The following DUSP19 variants were observed in gnomAD, a reference collection of about 807,000 sequenced individuals.
DUSP19 encodes dual specificity protein phosphatase 19.
A neutral mutation model predicts 16.6 loss-of-function variants in DUSP19; 14 were observed. The ratio of observed to expected loss-of-function variants is 0.84; its 90% confidence interval spans 0.56 to 1.32. DUSP19 has a LOEUF of 1.32. Ranked by LOEUF, DUSP19 falls within the 40% of genes most tolerant of loss-of-function variation. The pLI is 0.00. For missense variants in DUSP19, 258 were observed against 255.9 expected (o/e 1.01, Z -0.06); for synonymous variants, 81 against 90.5 (o/e 0.90, Z 0.59).
intron 3 of DUSP19, among the ~76,000 whole-genome samples, chr2:183,092,699 GTTTTTTT>G (rs781697293): frequency 8.4e-6 from 1 of 119,176 alleles, no homozygotes; most frequent in African/African-American, 3.2e-5. Flanking sequence ...TTCTGCCCAA[GTTTTTTT>G]TTTTTTTTTT....
At chr2:183,088,787 C>T (rs939758629) in intron 3 of DUSP19, among the ~76,000 whole-genome samples, 3 of 152,112 alleles carry the variant, frequency 2.0e-5, no homozygotes, top group Non-Finnish European at 2.9e-5. Flanking sequence ...AAAAAATTTA[C>T]AGGCTCTGGA....
intron 2 of DUSP19, among the ~76,000 whole-genome samples, chr2:183,084,407 A>AT: frequency 6.6e-6 from 1 of 151,382 alleles, no homozygotes; most frequent in Non-Finnish European, 1.5e-5. Context: ...AGACTGGGCG[A>AT]CAAAGCAAGA....
At chr2:183,088,693 G>T (rs988164949) in intron 3 of DUSP19, among the ~76,000 whole-genome samples, 1 of 152,116 alleles carries the variant, frequency 6.6e-6, no homozygotes, top group Admixed American at 6.5e-5. Flanking sequence ...AAAGTGCTAG[G>T]ATTACAGGCA....
chr2:183,082,176 T>C (rs549326934), intron 1 of DUSP19, among the ~76,000 whole-genome samples: 1 of 152,308 alleles, frequency 6.6e-6, no homozygotes, highest in East Asian at 1.9e-4. Context: ...CAAAGTCATC[T>C]TGTGGGTGTG....
intron 2 of DUSP19, among the ~76,000 whole-genome samples, chr2:183,085,464 A>G (rs1699647409): frequency 3.3e-5 from 5 of 152,232 alleles, no homozygotes; most frequent in Admixed American, 3.3e-4. Flanking sequence ...TTAGGACTAA[A>G]TTATATCCAT....
chr2:183,082,944 G>T (rs528723826), intron 1 of DUSP19, among the ~76,000 whole-genome samples: 2 of 144,878 alleles, frequency 1.4e-5, no homozygotes, highest in South Asian at 4.5e-4. Context: ...CTGTGTCACC[G>T]AGGCTGGAGT....
intron 3 of DUSP19, among the ~76,000 whole-genome samples, chr2:183,090,033 C>G (rs1260424914): frequency 6.6e-6 from 1 of 152,212 alleles, no homozygotes; most frequent in Non-Finnish European, 1.5e-5. Context: ...CTCAGCCTCC[C>G]AAAGTGCTGG....
Position 183,087,212 on chromosome 2 carries a change from A to G in DUSP19, c.426+20A>G. ...AGAAAAGTGAGTTTTGTTTTGATCC[A>G]TAGTTCTGCAGAAGCAGAAATTTGA... On this transcript the variant is annotated intron_variant, in intron 3 of 3. Coordinates refer to ENST00000354221, the MANE Select transcript of DUSP19 (RefSeq NM_080876.4). 6.2e-7 allele frequency: 1 copy of G among 1,605,646 alleles called. No individual in the cohort carries two copies. Among genetic ancestry groups the G allele is most frequent in the Non-Finnish European group, 8.5e-7 (1 of 1,176,712 alleles).
chr2:183,097,829 A>G lies in DUSP19; in HGVS notation c.*2171A>G, dbSNP rs1476708228. The stretch of plus-strand genomic sequence containing the variant: ...CCATTAAATGTCACATGAAGCCTTG[A>G]TAGAATTTGTTCATAATGGCTCATG... On this transcript the variant is annotated 3_prime_UTR_variant, in exon 4 of 4. Coordinates refer to ENST00000354221, the MANE Select transcript of DUSP19 (RefSeq NM_080876.4). The G allele has an allele frequency of 6.6e-6, 1 of 152,192 alleles. No homozygotes were observed. The highest frequency in any genetic ancestry group is 1.5e-5 in the Non-Finnish European group (1 of 68,028). The allele number at this position is 152,192 out of a possible 1,614,324, so 9.4% of individuals were successfully genotyped here.
rs1230146740 is a variant in DUSP19 at position 183,078,861 on chromosome 2, A to G, written c.-73A>G. The G allele has an allele frequency of 7.2e-7, 1 of 1,396,594 alleles. No individual in the cohort carries two copies. The highest frequency in any genetic ancestry group is 1.4e-5 in the African/African-American group (1 of 69,910). The allele number at this position is 1,396,594 out of a possible 1,614,324, so 86.5% of individuals were successfully genotyped here. Reference sequence around the variant, plus strand: ...GGCTGGCTTTGTTACCTGGGCAATAAGGGACTAGCAGTTCAGCCGTTTTCT... The same window carrying G: ...GGCTGGCTTTGTTACCTGGGCAATAGGGGACTAGCAGTTCAGCCGTTTTCT... On this transcript the variant is annotated 5_prime_UTR_variant, in exon 1 of 4. Transcript: ENST00000354221.
intron 1 of DUSP19, among the ~76,000 whole-genome samples, chr2:183,082,881 G>GTCTTGTCTTT (rs1699612031): frequency 1.2e-5 from 1 of 86,604 alleles, no homozygotes; most frequent in Non-Finnish European, 2.1e-5. Context: ...CTCTTGTCTT[G>GTCTTGTCTTT]TCTTGTCTTT....
rs56740666 is a variant in DUSP19 at position 183,083,507 on chromosome 2, G to A, written c.227-1G>A. The A allele has an allele frequency of 1.4e-5, 23 of 1,608,942 alleles. No homozygotes were observed. The highest frequency in any genetic ancestry group is 1.9e-5 in the Non-Finnish European group (22 of 1,177,650). ...AAGGTGGTATCATTTATTTCTTCTA[G>A]GGTCACAAGATGCTGCTCATGATTT... On this transcript the variant is annotated splice_acceptor_variant, in intron 1 of 3. Transcript: ENST00000354221. LOFTEE classifies it high-confidence loss of function.
intron 1 of DUSP19, 94 bp downstream of exon 1, chr2:183,079,253 G>A: frequency 3.3e-6 from 4 of 1,228,986 alleles, no homozygotes; most frequent in Non-Finnish European, 4.5e-6. Context: ...TGTATTATCA[G>A]CTATCCTGCC....
At chr2:183,085,138 G>A (rs942092323) in intron 2 of DUSP19, among the ~76,000 whole-genome samples, 1 of 152,152 alleles carries the variant, frequency 6.6e-6, no homozygotes, top group African/African-American at 2.4e-5. Context: ...CAGAATAGAG[G>A]TGAATATATA....
intron 1 of DUSP19, among the ~76,000 whole-genome samples, chr2:183,081,002 C>T (rs1275185609): frequency 6.6e-6 from 1 of 152,192 alleles, no homozygotes; most frequent in East Asian, 1.9e-4. Context: ...GAGCTTCTTT[C>T]ACCTCCTCAA....
chr2:183,078,868 A>G lies in DUSP19; in HGVS notation c.-66A>G. 6.9e-7 allele frequency: 1 copy of G among 1,456,966 alleles called. No individual in the cohort carries two copies. Among genetic ancestry groups the G allele is most frequent in the Admixed American group, 1.8e-5 (1 of 54,268 alleles). The allele number at this position is 1,456,966 out of a possible 1,614,324, so 90.3% of individuals were successfully genotyped here. Reference sequence around the variant, plus strand: ...TTTGTTACCTGGGCAATAAGGGACTAGCAGTTCAGCCGTTTTCTATGCCTG... The same window carrying G: ...TTTGTTACCTGGGCAATAAGGGACTGGCAGTTCAGCCGTTTTCTATGCCTG... On this transcript the variant is annotated 5_prime_UTR_variant, in exon 1 of 4. Transcript: ENST00000354221.
chr2:183,080,011 G>A (rs1699572891), intron 1 of DUSP19, among the ~76,000 whole-genome samples: 1 of 152,206 alleles, frequency 6.6e-6, no homozygotes, highest in African/African-American at 2.4e-5. Flanking sequence ...GTGAAGTAGG[G>A]ATTATCAGCT....
intron 3 of DUSP19, among the ~76,000 whole-genome samples, chr2:183,093,029 A>C (rs1319481148): frequency 2.0e-5 from 3 of 152,170 alleles, no homozygotes. Context: ...GAAGTTAAAT[A>C]TAAGGAAAAA....
Position 183,079,794 on chromosome 2 carries a change from G to T in DUSP19, c.226+635G>T, listed in dbSNP as rs1699569338. 2.6e-5 allele frequency among the ~76,000 whole-genome samples: 4 copies of T among 152,180 alleles called. No individual in the cohort carries two copies. In the South Asian group the frequency reaches 8.3e-4, roughly 32 times the overall value. ...ATAAAAGTGCAAACTTGTTAATTTG[G>T]CAAGAATATGGTATGGTGTTCTTAA... On this transcript the variant is annotated intron_variant, in intron 1 of 3. Coordinates refer to ENST00000354221, the MANE Select transcript of DUSP19 (RefSeq NM_080876.4).
Sources: allele counts gnomAD v4.1 joint callset (sites outside exome capture counted in the v4.1 genomes callset), GRCh38; gene constraint gnomAD v4.1.1; transcripts MANE v1.5; gene names NCBI Gene and HGNC (gene_info 2026-07-23, HGNC 2026-07-21).